Variants in CDH13 observed in about 807,000 individuals in gnomAD.
CDH13 encodes the protein cadherin-13.
CDH13 carries 24 observed loss-of-function variants against 63.8 expected under a neutral mutation model. The ratio of observed to expected loss-of-function variants is 0.38; its 90% CI spans 0.27 to 0.53. CDH13 has a LOEUF of 0.53. Ranked by LOEUF, CDH13 falls within the 20% of genes least tolerant of loss-of-function variation. The pLI is 0.85. For synonymous variants in CDH13, 503 were observed against 355.3 expected (o/e 1.42, Z -4.67); for missense variants, 1,049 against 903.1 (o/e 1.16, Z -2.07).
At chr16:83,550,353 T>G (rs2075468055) in intron 7 of CDH13, among the ~76,000 whole-genome samples, 1 of 152,238 alleles carries the variant, frequency 6.6e-6, no homozygotes, top group Non-Finnish European at 1.5e-5. Context: ...CTGGCAAAGC[T>G]TTCCAGCATC....
chr16:82,785,467 A>G (rs890835906), intron 1 of CDH13, among the ~76,000 whole-genome samples: 6 of 152,206 alleles, frequency 3.9e-5, no homozygotes, highest in African/African-American at 1.4e-4. Flanking sequence ...AGTATGCATA[A>G]TAGAGCAGCA....
At chr16:83,266,499 C>T (rs964033972) in intron 5 of CDH13, among the ~76,000 whole-genome samples, 61 of 151,816 alleles carry the variant, frequency 4.0e-4, no homozygotes, top group African/African-American at 1.4e-3. Context: ...TCAGTGTGTT[C>T]ATTGTTGTAT....
intron 2 of CDH13, among the ~76,000 whole-genome samples, chr16:82,941,490 C>A (rs892865904): frequency 2.0e-5 from 3 of 152,198 alleles, no homozygotes; most frequent in Admixed American, 6.5e-5. Context: ...TTACATTGCA[C>A]AATCCACGTG....
At chr16:83,301,124 G>A (rs897964705) in intron 5 of CDH13, among the ~76,000 whole-genome samples, 1 of 131,278 alleles carries the variant, frequency 7.6e-6, no homozygotes, top group African/African-American at 2.8e-5. Context: ...CTCTGCCTCC[G>A]GGGTTCGAGC....
rs559441327 is a variant in CDH13, at chr16:83,770,440, G to T, written c.1682-9528G>T. ...CAGCTCTTAAACAGGTGACATGCTT[G>T]TGACTGGAAAGAGGTCCCGATCCAG... On this transcript the variant is annotated intron_variant, in intron 11 of 13. Coordinates refer to ENST00000567109, the MANE Select transcript of CDH13 (RefSeq NM_001257.5). Among the ~76,000 whole-genome samples, 17 of 152,320 alleles carry T rather than the reference G, an allele frequency of 1.1e-4. No homozygotes were observed. In the South Asian group the frequency reaches 3.3e-3, roughly 30 times the overall value.
intron 11 of CDH13, among the ~76,000 whole-genome samples, chr16:83,751,641 T>C (rs933289310): frequency 2.6e-5 from 4 of 152,182 alleles, no homozygotes; most frequent in Admixed American, 1.3e-4. Flanking sequence ...TTAGAAACCA[T>C]AGCAGGTATC....
intron 6 of CDH13, among the ~76,000 whole-genome samples, chr16:83,441,983 G>T (rs2072492368): frequency 6.6e-6 from 1 of 152,156 alleles, no homozygotes. Context: ...GAGAGGGTTT[G>T]AATGATTTGG....
chr16:82,800,245 A>C (rs2036785785), intron 1 of CDH13, among the ~76,000 whole-genome samples: 1 of 152,182 alleles, frequency 6.6e-6, no homozygotes, highest in Non-Finnish European at 1.5e-5. Context: ...TTCAAAAATG[A>C]ATTATTGAAT....
At chr16:82,694,223 G>A (rs1436789008) in intron 1 of CDH13, among the ~76,000 whole-genome samples, 1 of 152,128 alleles carries the variant, frequency 6.6e-6, no homozygotes, top group Admixed American at 6.5e-5. Context: ...AGTATCCATA[G>A]GAAATGGCTC....
chr16:83,662,538 G>A (rs1374933867), intron 8 of CDH13, among the ~76,000 whole-genome samples: 2 of 152,170 alleles, frequency 1.3e-5, no homozygotes, highest in Non-Finnish European at 2.9e-5. Flanking sequence ...GCAGAATCGG[G>A]GCGGGGTGGC....
chr16:82,740,423 A>C (rs2033876439), intron 1 of CDH13, among the ~76,000 whole-genome samples: 1 of 152,206 alleles, frequency 6.6e-6, no homozygotes, highest in Non-Finnish European at 1.5e-5. Flanking sequence ...CTTTCTTCAG[A>C]AGTGTCTTTA....
At chr16:83,030,520 G>C (rs542589303) in intron 2 of CDH13, among the ~76,000 whole-genome samples, 1 of 151,702 alleles carries the variant, frequency 6.6e-6, no homozygotes, top group African/African-American at 2.4e-5. Flanking sequence ...GCATGCATCT[G>C]TAATCCCAGC....
At chr16:83,081,002 C>A (rs186260321) in intron 3 of CDH13, among the ~76,000 whole-genome samples, 1 of 150,450 alleles carries the variant, frequency 6.6e-6, no homozygotes, top group Admixed American at 6.6e-5. Flanking sequence ...CTGCCTCAGC[C>A]TCCCGAGTAA....
chr16:83,033,086 T>G (rs1014890386), intron 3 of CDH13, among the ~76,000 whole-genome samples: 6 of 152,246 alleles, frequency 3.9e-5, no homozygotes, highest in Non-Finnish European at 5.9e-5. Flanking sequence ...TACCATATAC[T>G]TATGTGTATA....
At chr16:82,939,750 T>C (rs2042776374) in intron 2 of CDH13, among the ~76,000 whole-genome samples, 1 of 152,214 alleles carries the variant, frequency 6.6e-6, no homozygotes, top group Non-Finnish European at 1.5e-5. Context: ...CATCCTTGAA[T>C]CTCTGGATTT....
At chr16:82,662,399 A>G (rs1912056849) in intron 1 of CDH13, among the ~76,000 whole-genome samples, 1 of 152,206 alleles carries the variant, frequency 6.6e-6, no homozygotes, top group Non-Finnish European at 1.5e-5. Context: ...AGCATGTGTT[A>G]CTGTTGTAAT....
chr16:83,570,175 C>T (rs562391659), intron 7 of CDH13, among the ~76,000 whole-genome samples: 24 of 152,292 alleles, frequency 1.6e-4, no homozygotes, highest in African/African-American at 5.8e-4. Flanking sequence ...AACCTGAGCA[C>T]ACAGGATTCT....
chr16:83,699,771 A>G (rs1905936470), intron 10 of CDH13, among the ~76,000 whole-genome samples: 1 of 152,106 alleles, frequency 6.6e-6, no homozygotes, highest in Admixed American at 6.5e-5. Context: ...TCAACCTGAG[A>G]CCCTGGAAAG....
chr16:82,824,700 C>G (rs1360606124), intron 1 of CDH13: 1 of 151,968 alleles, frequency 6.6e-6, no homozygotes, highest in Non-Finnish European at 1.5e-5. Flanking sequence ...TGATTCAACA[C>G]GATGTTGCAA....
Sources: gnomAD v4.1 joint callset for allele counts (sites outside exome capture counted in the v4.1 genomes callset) on GRCh38, gnomAD v4.1.1 for gene constraint, MANE v1.5 for transcripts, NCBI Gene and HGNC (gene_info 2026-07-23, HGNC 2026-07-21) for gene names.